The following TFB2M variants were observed in gnomAD, a reference collection of about 807,000 sequenced individuals.
TFB2M encodes the protein dimethyladenosine transferase 2, mitochondrial.
A neutral mutation model predicts 41.3 loss-of-function variants in TFB2M; 44 were observed. The observed-to-expected ratio is 1.07, with a 90% CI of 0.84 to 1.37. The LOEUF is 1.37. TFB2M is among the 40% of genes most tolerant of loss of function. The pLI is 0.00. For missense variants in TFB2M, 496 were observed against 490.2 expected (o/e 1.01, Z -0.11); for synonymous variants, 188 against 176.8 (o/e 1.06, Z -0.50).
At chr1:246,554,264 A>G (rs1484758851) in intron 4 of TFB2M, among the ~76,000 whole-genome samples, 1 of 152,212 alleles carries the variant, frequency 6.6e-6, no homozygotes, top group African/African-American at 2.4e-5. Context: ...TGGATTTGGC[A>G]ATGATCTATT....
chr1:246,545,057 G>T (rs999337162), intron 6 of TFB2M, among the ~76,000 whole-genome samples: 11 of 135,344 alleles, frequency 8.1e-5, no homozygotes, highest in Admixed American at 1.6e-4. Context: ...CGCCCGCCTC[G>T]GCCTCCCCAA....
At chr1:246,546,966 T>TACACACAC (rs1372687255) in intron 6 of TFB2M, among the ~76,000 whole-genome samples, 1 of 132,250 alleles carries the variant, frequency 7.6e-6, no homozygotes, top group Non-Finnish European at 1.6e-5. Flanking sequence ...TATGTATATA[T>TACACACAC]ACACACACAC....
At chr1:246,561,591 C>A (rs1202691985) in intron 2 of TFB2M, among the ~76,000 whole-genome samples, 1 of 152,140 alleles carries the variant, frequency 6.6e-6, no homozygotes, top group Admixed American at 6.5e-5. Flanking sequence ...CCTCAGCCTC[C>A]CAAGTAACTG....
At position 246,544,554 on chromosome 1, in the gene TFB2M, C is replaced by T; in HGVS notation, c.986G>A (p.Gly329Glu). Residue 329 changes from glycine (G) to glutamate (E), a missense_variant, in exon 7 of 8, where the codon GGG (glycine) becomes GAG (glutamate). Transcript: ENST00000366514. ...GTCTATTACAGTGGCGCTGCGCCTC[C>T]CAAAACAGTGCTTTAACAAGTGAAA... ...IFFHLLKHCF[G>E]RRSATVIDHL... 1 of 1,609,716 alleles carries T rather than the reference C, an allele frequency of 6.2e-7. No individual in the cohort carries two copies. Among genetic ancestry groups the T allele is most frequent in the Non-Finnish European group, 8.5e-7 (1 of 1,179,038 alleles).
chr1:246,561,181 C>T (rs563079006), intron 2 of TFB2M, among the ~76,000 whole-genome samples: 1 of 152,276 alleles, frequency 6.6e-6, no homozygotes, highest in African/African-American at 2.4e-5. Context: ...ATTTGAATGG[C>T]TTTTCAATTT....
intron 2 of TFB2M, 30 bp downstream of exon 2, chr1:246,564,316 A>G (rs1659532393): frequency 6.3e-7 from 1 of 1,594,766 alleles, no homozygotes; most frequent in East Asian, 2.2e-5. Context: ...TGAACAAACA[A>G]TAACATACGT....
intron 1 of TFB2M, 149 bp downstream of exon 1, chr1:246,565,677 A>G: frequency 1.1e-6 from 1 of 873,700 alleles, no homozygotes; most frequent in Non-Finnish European, 1.7e-6. Flanking sequence ...GCCCCACTGC[A>G]CTCCAGCCTG....
intron 6 of TFB2M, among the ~76,000 whole-genome samples, chr1:246,546,473 T>C (rs1032548946): frequency 1.3e-5 from 2 of 151,504 alleles, no homozygotes; most frequent in Non-Finnish European, 2.9e-5. Flanking sequence ...AAATTAGCCC[T>C]GCGTGGTGGA....
chr1:246,540,919 G>T lies in TFB2M; in HGVS notation c.*112C>A. On this transcript the variant is annotated 3_prime_UTR_variant, in exon 8 of 8. Transcript: ENST00000366514. ...AGGAGAAATGATCTGCCTGGCTTGT[G>T]CAAGACAAGAACAGTTACCTTCTGC... is the stretch of plus-strand genomic sequence containing the variant. 2 of 1,037,996 alleles carry T rather than the reference G, an allele frequency of 1.9e-6. No homozygotes were observed. Among genetic ancestry groups the T allele is most frequent in the Non-Finnish European group, 2.8e-6 (2 of 717,690 alleles). The allele number at this position is 1,037,996 out of a possible 1,614,324, so 64.3% of individuals were successfully genotyped here.
intron 7 of TFB2M, among the ~76,000 whole-genome samples, chr1:246,542,665 C>T (rs904704625): frequency 6.6e-6 from 1 of 151,882 alleles, no homozygotes; most frequent in Non-Finnish European, 1.5e-5. Context: ...GAGTGAGACT[C>T]TCTGTCTGTT....
chr1:246,555,439 G>A (rs1235204594), intron 4 of TFB2M, among the ~76,000 whole-genome samples: 3 of 152,116 alleles, frequency 2.0e-5, no homozygotes, highest in Admixed American at 6.5e-5. Context: ...AGCTGGGCCT[G>A]GTGGTGTGTG....
chr1:246,547,648 T>C (rs535028505), intron 6 of TFB2M, among the ~76,000 whole-genome samples: 1 of 147,536 alleles, frequency 6.8e-6, no homozygotes, highest in African/African-American at 2.6e-5. Flanking sequence ...GATTAGGCCA[T>C]TGTTAGCATT....
At chr1:246,563,132 G>A (rs1047708813) in intron 2 of TFB2M, among the ~76,000 whole-genome samples, 2 of 151,634 alleles carry the variant, frequency 1.3e-5, no homozygotes, top group African/African-American at 4.8e-5. Flanking sequence ...CTGCCGCTGT[G>A]TGTTTCCACT....
intron 6 of TFB2M, among the ~76,000 whole-genome samples, chr1:246,547,393 G>A (rs1659051802): frequency 6.6e-6 from 1 of 152,158 alleles, no homozygotes; most frequent in East Asian, 1.9e-4. Context: ...ATTTGGATAA[G>A]TCCCCAATAG....
At chr1:246,561,677 C>G (rs1659459034) in intron 2 of TFB2M, among the ~76,000 whole-genome samples, 1 of 152,184 alleles carries the variant, frequency 6.6e-6, no homozygotes, top group Non-Finnish European at 1.5e-5. Flanking sequence ...CTATGTTGGC[C>G]AGGCTGGTCT....
At chr1:246,541,293 A>G (rs1183982179) in intron 7 of TFB2M, 91 bp from the exon 8 acceptor site, 2 of 1,291,966 alleles carry the variant, frequency 1.5e-6, no homozygotes, top group Non-Finnish European at 2.1e-6. Flanking sequence ...GTTGAATTCA[A>G]AATGTCTAAC....
At chr1:246,564,265 T>C in intron 2 of TFB2M, 81 bp downstream of exon 2, 2 of 1,197,030 alleles carry the variant, frequency 1.7e-6, no homozygotes, top group Non-Finnish European at 2.5e-6. Flanking sequence ...TGTAAAACAC[T>C]GTGTGCTTAA....
At chr1:246,544,952 C>T (rs1178468473) in intron 6 of TFB2M, among the ~76,000 whole-genome samples, 2 of 152,096 alleles carry the variant, frequency 1.3e-5, no homozygotes, top group South Asian at 2.1e-4. Flanking sequence ...ACTACAGGCG[C>T]CCACCACCAC....
At position 246,556,708 on chromosome 1, in the gene TFB2M, T is replaced by A. The variant is rs1659332351; in HGVS notation, c.570A>T (p.Lys190Asn). ...CTCTACTTGGGAACATTCCAACTAC[T>A]TTTAAAGGGATGTCTGTTAGGAATA... ...AVPWTADIPLKVVGMFPSRGE... is the reference protein window; with the variant it reads ...AVPWTADIPLNVVGMFPSRGE... The change falls in exon 4 of 8, where the codon AAA (lysine) becomes AAT (asparagine). Residue 190 changes from lysine to asparagine, a missense_variant. By Grantham distance (94) the Lys-to-Asn change is moderately conservative. Transcript: ENST00000366514. 6.4e-7 allele frequency: 1 copy of A among 1,564,830 alleles called. No individual in the cohort carries two copies. Among genetic ancestry groups the A allele is most frequent in the Non-Finnish European group, 8.6e-7 (1 of 1,165,478 alleles).
Sources: allele counts gnomAD v4.1 joint callset (sites outside exome capture counted in the v4.1 genomes callset), GRCh38; gene constraint gnomAD v4.1.1; transcripts MANE v1.5; gene names NCBI Gene and HGNC (gene_info 2026-07-23, HGNC 2026-07-21).